SLC24A3: variants seen among roughly 807,000 people sequenced by gnomAD.
The protein encoded by SLC24A3 is solute carrier family 24 member 3.
SLC24A3 carries 28 observed loss-of-function variants against 75.8 expected under a neutral mutation model. The ratio of observed to expected loss-of-function variants is 0.37; its 90% CI spans 0.27 to 0.51. SLC24A3 has a LOEUF of 0.51. Among genes scored for constraint, SLC24A3 ranks in the 20% least tolerant of loss-of-function variants. The probability of loss-of-function intolerance (pLI) is 0.94; values close to 1 mark genes in which losing one functional copy is unlikely to be tolerated. For synonymous variants in SLC24A3, 372 were observed against 334.1 expected (o/e 1.11, Z -1.24); for missense variants, 663 against 847.8 (o/e 0.78, Z 2.71).
At position 19,698,629 on chromosome 20, in the gene SLC24A3, C is replaced by T. The variant is rs758942576; in HGVS notation, c.1668C>T (p.Gly556=). The change falls in exon 15 of 17, where the codon GGC becomes GGT. Residue 556 remains glycine (G), a synonymous_variant. Transcript: ENST00000328041. ...GCAACGTGTTTGACATCCTGATTGGCCTCGGTCTCCCCTGGGCTCTGCAGA... is the reference window on the plus strand; with the variant it reads ...GCAACGTGTTTGACATCCTGATTGGTCTCGGTCTCCCCTGGGCTCTGCAGA... ...IGSNVFDILI[G]LGLPWALQTL... The T allele has an allele frequency of 4.4e-6, 7 of 1,594,996 alleles. No homozygotes were observed. In the South Asian group the frequency reaches 6.8e-5, roughly 16 times the overall value.
intron 6 of SLC24A3, among the ~76,000 whole-genome samples, chr20:19,628,259 C>T (rs1255526219): frequency 6.6e-6 from 1 of 150,500 alleles, no homozygotes; most frequent in African/African-American, 2.4e-5. Flanking sequence ...TCTCAGCCTG[C>T]AGAAGTGAGA....
chr20:19,273,355 A>G (rs2122213413), intron 1 of SLC24A3, among the ~76,000 whole-genome samples: 1 of 152,286 alleles, frequency 6.6e-6, no homozygotes, highest in Non-Finnish European at 1.5e-5. Context: ...CCAGGGTGCA[A>G]GACACAGGTG....
chr20:19,217,349 AG>A (rs1214541145), intron 1 of SLC24A3, among the ~76,000 whole-genome samples: 4 of 152,202 alleles, frequency 2.6e-5, no homozygotes, highest in African/African-American at 9.7e-5. Context: ...AAGGATCTGA[AG>A]GGATCATAAC....
intron 1 of SLC24A3, among the ~76,000 whole-genome samples, chr20:19,261,539 G>A (rs769252144): frequency 6.6e-6 from 1 of 151,874 alleles, no homozygotes; most frequent in Non-Finnish European, 1.5e-5. Context: ...TGTAAAGATG[G>A]TGTTTTGCTG....
At chr20:19,411,562 AC>A (rs1341173643) in intron 2 of SLC24A3, among the ~76,000 whole-genome samples, 2 of 152,240 alleles carry the variant, frequency 1.3e-5, no homozygotes, top group East Asian at 3.9e-4. Flanking sequence ...GCAACTGAAA[AC>A]CCTGGCTGTT....
rs2031740779 is a variant in SLC24A3, at chr20:19,616,675, T to C, written c.612+31131T>C. ...ATGGGTTCCAGGAAGTGTCTAATCA[T>C]CTGGAGGACATGGGAAGATCTAGGG... is the stretch of plus-strand genomic sequence containing the variant. On this transcript the variant is annotated intron_variant, in intron 6 of 16. Transcript: ENST00000328041. Among the ~76,000 whole-genome samples, 3 of 152,106 alleles carry C rather than the reference T, an allele frequency of 2.0e-5. No homozygotes were observed. In the South Asian group the frequency reaches 6.2e-4, roughly 32 times the overall value.
intron 1 of SLC24A3, among the ~76,000 whole-genome samples, chr20:19,280,079 A>G (rs1355002252): frequency 2.6e-5 from 4 of 152,160 alleles, no homozygotes; most frequent in African/African-American, 9.7e-5. Flanking sequence ...ATCCCTTCCA[A>G]TGACTTCCAA....
At position 19,515,707 on chromosome 20, in the gene SLC24A3, G is replaced by A. The variant is rs148791836; in HGVS notation, c.348+143G>A. 2,747 of 744,044 alleles carry A rather than the reference G, an allele frequency of 3.7e-3. 15 individuals are homozygous for A. Among genetic ancestry groups the A allele is most frequent in the Non-Finnish European group, 5.2e-3 (2,310 of 440,180 alleles). The allele number at this position is 744,044 out of a possible 1,614,324, so 46.1% of individuals were successfully genotyped here. ...TGGTGGGGGTCCTTCGAGCTCTGTA[G>A]GGGGCCATCACCAAATGGAGATGAA... On this transcript the variant is annotated intron_variant, in intron 3 of 16. Coordinates refer to ENST00000328041, the MANE Select transcript of SLC24A3 (RefSeq NM_020689.4).
At chr20:19,285,339 G>A (rs922635093) in intron 2 of SLC24A3, among the ~76,000 whole-genome samples, 9 of 151,854 alleles carry the variant, frequency 5.9e-5, no homozygotes, top group Admixed American at 4.6e-4. Context: ...TTAGCCAGTC[G>A]TGGTGGTGTG....
At chr20:19,464,370 CAT>C (rs1987729423) in intron 2 of SLC24A3, among the ~76,000 whole-genome samples, 2 of 146,902 alleles carry the variant, frequency 1.4e-5, no homozygotes, top group South Asian at 4.4e-4. Context: ...ATACCACACA[CAT>C]ACGTGCGCAC....
intron 6 of SLC24A3, among the ~76,000 whole-genome samples, chr20:19,587,175 A>G (rs1486865344): frequency 6.6e-6 from 1 of 152,230 alleles, no homozygotes; most frequent in East Asian, 1.9e-4. Flanking sequence ...TAGTTCATTC[A>G]TCATTTGTAC....
intron 1 of SLC24A3, chr20:19,257,555 A>T (rs952749957): frequency 6.6e-6 from 1 of 152,352 alleles, no homozygotes; most frequent in Non-Finnish European, 1.5e-5. Flanking sequence ...AGGGCTCAGG[A>T]TGATGTTGGG....
intron 12 of SLC24A3, among the ~76,000 whole-genome samples, chr20:19,687,153 C>T (rs2122745162): frequency 6.6e-6 from 1 of 152,322 alleles, no homozygotes; most frequent in African/African-American, 2.4e-5. Context: ...GCCAGGGCTA[C>T]ATTCCTTTGC....
intron 2 of SLC24A3, among the ~76,000 whole-genome samples, chr20:19,342,964 G>A (rs1213541397): frequency 3.3e-5 from 5 of 151,582 alleles, no homozygotes; most frequent in African/African-American, 1.2e-4. Context: ...CAGCTACTCG[G>A]GAGGCTGAGG....
intron 12 of SLC24A3, among the ~76,000 whole-genome samples, 181 bp downstream of exon 12, chr20:19,685,542 TG>T (rs1185007184): frequency 1.3e-5 from 2 of 152,184 alleles, no homozygotes; most frequent in African/African-American, 4.8e-5. Context: ...ATGGCCAAGA[TG>T]GGGGTCCATG....
chr20:19,258,715 G>T lies in SLC24A3; in HGVS notation c.143-22244G>T, dbSNP rs148198006. Among the ~76,000 whole-genome samples the T allele has an allele frequency of 1.3e-3, 203 of 152,192 alleles. 1 individual carries two copies. The Middle Eastern group carries it at 0.031, about 23-fold the overall frequency. The stretch of plus-strand genomic sequence containing the variant: ...AGACTCTGTCTCCAAATAAAAGAAA[G>T]AAACTATAATGATGAGGCAGATATA... On this transcript the variant is annotated intron_variant, in intron 1 of 16. Transcript: ENST00000328041.
At chr20:19,599,827 A>G (rs970636312) in intron 6 of SLC24A3, among the ~76,000 whole-genome samples, 1 of 152,108 alleles carries the variant, frequency 6.6e-6, no homozygotes, top group African/African-American at 2.4e-5. Flanking sequence ...TGTTCAGCCC[A>G]TCCTGTTCCT....
chr20:19,314,245 C>G (rs1170987949), intron 2 of SLC24A3, among the ~76,000 whole-genome samples: 1 of 150,212 alleles, frequency 6.7e-6, no homozygotes, highest in African/African-American at 2.4e-5. Flanking sequence ...ATACCTAGTT[C>G]TATTCCAAAT....
intron 2 of SLC24A3, among the ~76,000 whole-genome samples, chr20:19,454,541 G>C (rs1356550251): frequency 6.6e-6 from 1 of 152,148 alleles, no homozygotes; most frequent in East Asian, 1.9e-4. Flanking sequence ...GGCTTGGGGG[G>C]ACTCTCTATA....
Sources: allele counts gnomAD v4.1 joint callset (sites outside exome capture counted in the v4.1 genomes callset), GRCh38; gene constraint gnomAD v4.1.1; transcripts MANE v1.5; gene names NCBI Gene and HGNC (gene_info 2026-07-23, HGNC 2026-07-21).